Variants in KCNK10 observed in about 807,000 individuals in gnomAD.
KCNK10 encodes the protein potassium channel subfamily K member 10.
Under a neutral mutation model 47.7 loss-of-function variants are expected in KCNK10, and 25 were observed. That is an observed-to-expected ratio of 0.52 (90% CI 0.38 to 0.73). KCNK10 has a LOEUF of 0.73. KCNK10 is among the 30% of genes least tolerant of loss of function. The pLI, the probability that KCNK10 is intolerant of heterozygous loss-of-function variation, is 0.00. For synonymous variants in KCNK10, 303 were observed against 285.6 expected, an observed-to-expected ratio of 1.06 and a Z score of -0.61; for missense variants, 563 against 714.5, an observed-to-expected ratio of 0.79 and a Z score of 2.42.
chr14:88,227,949 T>C (rs1332700282), intron 3 of KCNK10, among the ~76,000 whole-genome samples: 1 of 152,220 alleles, frequency 6.6e-6, no homozygotes, highest in Non-Finnish European at 1.5e-5. Context: ...GGGCTCCACC[T>C]GGACCGACTG....
Position 88,323,066 on chromosome 14 carries a change from T to C in KCNK10, c.-268A>G. 3.1e-6 allele frequency: 4 copies of C among 1,281,444 alleles called. No homozygotes were observed. In the South Asian group the frequency reaches 5.1e-5, roughly 16 times the overall value. 79.4% of individuals were successfully genotyped at this position (1,281,444 alleles called of 1,614,324 possible). On this transcript the variant is annotated 5_prime_UTR_variant, in exon 1 of 7. Coordinates refer to ENST00000319231, the MANE Select transcript of KCNK10 (RefSeq NM_138317.3). ...AAGAAAAAGTAAGATCGGCGAGGGGTGGATGAAAGGATGGAGAGGAAGGCT... is the reference window on the plus strand; with the variant it reads ...AAGAAAAAGTAAGATCGGCGAGGGGCGGATGAAAGGATGGAGAGGAAGGCT...
upstream of KCNK10, among the ~76,000 whole-genome samples, chr14:88,324,013 G>C (rs1888610718): frequency 6.6e-6 from 1 of 152,206 alleles, no homozygotes; most frequent in African/African-American, 2.4e-5. Context: ...GGCACAGCTT[G>C]GTCCCTTCCC....
chr14:88,215,962 T>TGGCCAGTTATGAAA (rs1885605436), intron 4 of KCNK10, among the ~76,000 whole-genome samples: 2 of 152,334 alleles, frequency 1.3e-5, no homozygotes, highest in Admixed American at 1.3e-4. Flanking sequence ...AAAGGGATAC[T>TGGCCAGTTATGAAA]GGCCAGTTAT....
intron 1 of KCNK10, among the ~76,000 whole-genome samples, chr14:88,277,644 G>A (rs1039276482): frequency 7.9e-5 from 12 of 152,124 alleles, no homozygotes; most frequent in African/African-American, 2.7e-4. Flanking sequence ...CTTAAAAACT[G>A]GGAAAGTCAA....
intron 1 of KCNK10, chr14:88,271,037 C>A: frequency 3.9e-6 from 2 of 511,898 alleles, no homozygotes; most frequent in Non-Finnish European, 3.5e-6. Flanking sequence ...CACACCTGTC[C>A]CAGAGAAACA....
At chr14:88,240,005 A>G (rs1315465246) in intron 3 of KCNK10, among the ~76,000 whole-genome samples, 1 of 152,176 alleles carries the variant, frequency 6.6e-6, no homozygotes, top group Non-Finnish European at 1.5e-5. Context: ...CTGATACAGG[A>G]AAGAGGTCAT....
chr14:88,256,068 G>A (rs1039522002), intron 2 of KCNK10, among the ~76,000 whole-genome samples: 5 of 152,176 alleles, frequency 3.3e-5, no homozygotes, highest in Admixed American at 2.0e-4. Flanking sequence ...TAAGATTCTA[G>A]AGACGGATGC....
chr14:88,213,312 T>A (rs928634132), intron 4 of KCNK10, among the ~76,000 whole-genome samples: 3 of 152,192 alleles, frequency 2.0e-5, no homozygotes, highest in Non-Finnish European at 4.4e-5. Context: ...GATAATTTTT[T>A]AAAAAGTTCT....
intron 1 of KCNK10, among the ~76,000 whole-genome samples, chr14:88,279,377 G>C (rs895855266): frequency 1.1e-3 from 168 of 146,358 alleles, no homozygotes; most frequent in African/African-American, 4.3e-3. Flanking sequence ...GTGTGTGTGT[G>C]TGTGTGTGTG....
chr14:88,242,000 A>C (rs529838433), intron 2 of KCNK10, among the ~76,000 whole-genome samples: 18 of 152,334 alleles, frequency 1.2e-4, no homozygotes, highest in African/African-American at 4.3e-4. Context: ...ACTGGGATAA[A>C]AAAGCGACAG....
chr14:88,298,460 C>T (rs1361194516), intron 1 of KCNK10, among the ~76,000 whole-genome samples: 1 of 152,210 alleles, frequency 6.6e-6, no homozygotes, highest in Non-Finnish European at 1.5e-5. Flanking sequence ...CCCTACCATA[C>T]AATCACCATC....
At position 88,186,207 on chromosome 14, in the gene KCNK10, T is replaced by C. The variant is rs374955092; in HGVS notation, c.1012-52A>G. 1.2e-4 allele frequency: 175 copies of C among 1,519,222 alleles called. No homozygotes were observed. In the African/African-American group the frequency reaches 1.7e-3, roughly 14 times the overall value. The allele number at this position is 1,519,222 out of a possible 1,614,324, so 94.1% of individuals were successfully genotyped here. On this transcript the variant is annotated intron_variant, in intron 6 of 6. Transcript: ENST00000319231. This position sits in a 1 kb window ranked among gnomAD's most constrained non-coding sequence, Gnocchi z 5.5. ...TATGCTGACAAATGCCTCCCTGCCT[T>C]GGCCTCCCAGCACCCACAGCCCTCG...
At chr14:88,197,389 TGGGG>T (rs1884947592) in intron 4 of KCNK10, among the ~76,000 whole-genome samples, 1 of 151,708 alleles carries the variant, frequency 6.6e-6, no homozygotes, top group Non-Finnish European at 1.5e-5. Context: ...CTGGCCAACA[TGGGG>T]AAACCCCAAC....
intron 4 of KCNK10, among the ~76,000 whole-genome samples, chr14:88,213,405 TAA>T (rs1885522641): frequency 1.3e-5 from 2 of 152,200 alleles, no homozygotes; most frequent in African/African-American, 4.8e-5. Context: ...AAATTGGTGA[TAA>T]AGCATGAACA....
At chr14:88,326,594 G>A (rs919080525), upstream of KCNK10, 11 of 674,244 alleles carry the variant, frequency 1.6e-5, no homozygotes, top group African/African-American at 2.0e-4. Context: ...ACATCGTGGC[G>A]CAAAGTCTCC....
rs146135188 is a variant in KCNK10, at chr14:88,263,182, T to G, written c.402+20A>C. ...ATCCACCCCACCAGCTGGCCTAAGATGGACTCACTCCCTGCTCACCTGGAT... is the reference window on the plus strand; with the variant it reads ...ATCCACCCCACCAGCTGGCCTAAGAGGGACTCACTCCCTGCTCACCTGGAT... On this transcript the variant is annotated intron_variant, in intron 2 of 6. Transcript: ENST00000319231. 6,232 of 1,597,822 alleles carry G rather than the reference T, an allele frequency of 3.9e-3. 17 individuals are homozygous for G. The highest frequency in any genetic ancestry group is 4.4e-3 in the Middle Eastern group (26 of 5,884).
At chr14:88,313,488 T>C (rs1888368938) in intron 1 of KCNK10, among the ~76,000 whole-genome samples, 1 of 152,236 alleles carries the variant, frequency 6.6e-6, no homozygotes, top group South Asian at 2.1e-4. Flanking sequence ...TTGAATCACT[T>C]GTTCTTGGGG....
At chr14:88,248,344 AAG>A (rs763537604) in intron 2 of KCNK10, among the ~76,000 whole-genome samples, 22 of 152,194 alleles carry the variant, frequency 1.4e-4, no homozygotes, top group South Asian at 8.3e-4. Context: ...CATCATGAAA[AAG>A]AGAGGCTTCT....
intron 4 of KCNK10, among the ~76,000 whole-genome samples, chr14:88,208,165 A>G (rs1299801724): frequency 1.3e-5 from 2 of 152,158 alleles, no homozygotes; most frequent in Non-Finnish European, 2.9e-5. Flanking sequence ...TTCCTTTTTT[A>G]TTTCCCTAAA....
Sources: allele counts gnomAD v4.1 joint callset (sites outside exome capture counted in the v4.1 genomes callset), GRCh38; gene constraint gnomAD v4.1.1; non-coding constraint Gnocchi (gnomAD v3.1); transcripts MANE v1.5; gene names NCBI Gene and HGNC (gene_info 2026-07-23, HGNC 2026-07-21).